GREB1: variants seen among roughly 807,000 people sequenced by gnomAD.
GREB1 encodes the protein growth regulating estrogen receptor binding 1.
Under a neutral mutation model 200.7 loss-of-function variants are expected in GREB1, and 106 were observed. The observed-to-expected ratio is 0.53, with a 90% confidence interval of 0.45 to 0.62. GREB1 has a LOEUF of 0.62. Among genes scored for constraint, GREB1 ranks in the 20% least tolerant of loss-of-function variants. GREB1 has a pLI of 0.00. For missense variants in GREB1, 2,243 were observed against 2,556.8 expected (o/e 0.88, Z 2.65); for synonymous variants, 1,132 against 1,092.4 (o/e 1.04, Z -0.72).
intron 2 of GREB1, among the ~76,000 whole-genome samples, chr2:11,561,475 T>C (rs1677032460): frequency 6.6e-6 from 1 of 151,812 alleles, no homozygotes; most frequent in Non-Finnish European, 1.5e-5. Flanking sequence ...GCAATTCTCC[T>C]GCCTCAGCCT....
chr2:11,578,543 T>C (rs1679126516), intron 6 of GREB1, 112 bp downstream of exon 6: 1 of 1,143,946 alleles, frequency 8.7e-7, no homozygotes, highest in Admixed American at 2.5e-5. Context: ...CAGGGGGCTG[T>C]TATCTTTTTC....
chr2:11,557,838 C>T (rs1268147150), intron 2 of GREB1, among the ~76,000 whole-genome samples: 1 of 152,148 alleles, frequency 6.6e-6, no homozygotes, highest in African/African-American at 2.4e-5. Flanking sequence ...CTGGCATTCA[C>T]ATCAAAAGCA....
At chr2:11,639,164 A>G (rs1010231963) in intron 32 of GREB1, among the ~76,000 whole-genome samples, 3 of 152,176 alleles carry the variant, frequency 2.0e-5, no homozygotes, top group Non-Finnish European at 4.4e-5. Flanking sequence ...ATCTTAGCTC[A>G]CTGCAACTTC....
intron 1 of GREB1, among the ~76,000 whole-genome samples, chr2:11,552,934 C>T (rs531267687): frequency 6.8e-4 from 99 of 144,710 alleles, no homozygotes; most frequent in Non-Finnish European, 1.2e-3. Flanking sequence ...GGCGTGAACC[C>T]GGGAGGCGGA....
At chr2:11,526,487 A>T (rs968459181) in intron 1 of GREB1, among the ~76,000 whole-genome samples, 1 of 151,944 alleles carries the variant, frequency 6.6e-6, no homozygotes, top group Non-Finnish European at 1.5e-5. Flanking sequence ...ACTAATTGTG[A>T]TCTTATTCTC....
At chr2:11,505,264 G>A (rs755150272) in intron 1 of GREB1, among the ~76,000 whole-genome samples, 6 of 152,092 alleles carry the variant, frequency 3.9e-5, no homozygotes, top group Non-Finnish European at 5.9e-5. Flanking sequence ...TGGGGACTGC[G>A]GCGAGGGGAG....
intron 5 of GREB1, among the ~76,000 whole-genome samples, chr2:11,577,776 C>T (rs1200406247): frequency 6.6e-6 from 1 of 152,280 alleles, no homozygotes; most frequent in East Asian, 1.9e-4. Context: ...TTGTTTTGTT[C>T]AGTAAATGCC....
chr2:11,541,277 G>A (rs1045592406), intron 1 of GREB1, among the ~76,000 whole-genome samples: 6 of 152,098 alleles, frequency 3.9e-5, no homozygotes, highest in Non-Finnish European at 7.4e-5. Context: ...GGAAAGGGAG[G>A]CCGGGCAGGA....
chr2:11,569,326 G>A (rs999282351), intron 4 of GREB1, among the ~76,000 whole-genome samples: 5 of 152,164 alleles, frequency 3.3e-5, no homozygotes, highest in Admixed American at 2.6e-4. Flanking sequence ...TTACGTCTAG[G>A]GGCTGGGTGG....
Position 11,600,847 on chromosome 2 carries a change from T to C in GREB1, c.2381T>C (p.Leu794Ser), listed in dbSNP as rs777116988. ...LYSQSDPSVGLVDRLLNCREV... is the reference protein window; with the variant it reads ...LYSQSDPSVGSVDRLLNCREV... ...TCTCAAAGTGACCCGTCGGTGGGAT[T>C]GGTGGACCGATTGCTCAACTGCAGG... The change falls in exon 16 of 33, where the codon TTG (leucine) becomes TCG (serine). Residue 794 changes from leucine to serine, a missense_variant. Leu to Ser is a moderately radical substitution (Grantham distance 145). Around this residue, in one of 3 missense-constraint regions of GREB1, gnomAD observed 1,178 missense variants for 1,387.4 expected, o/e 0.85. Coordinates refer to ENST00000381486, the MANE Select transcript of GREB1 (RefSeq NM_014668.4). The C allele has an allele frequency of 9.3e-6, 15 of 1,614,086 alleles. No homozygotes were observed. The Admixed American group carries it at 2.0e-4, about 22-fold the overall frequency.
At chr2:11,571,877 A>AT (rs1678338372) in intron 4 of GREB1, among the ~76,000 whole-genome samples, 1 of 151,828 alleles carries the variant, frequency 6.6e-6, no homozygotes, top group South Asian at 2.1e-4. Context: ...CACCCAGCTA[A>AT]TTTTTTTGTA....
chr2:11,626,128 G>A (rs901648993), intron 24 of GREB1, among the ~76,000 whole-genome samples: 2 of 152,122 alleles, frequency 1.3e-5, no homozygotes, highest in African/African-American at 4.8e-5. Flanking sequence ...GTAGATTTGG[G>A]TGGGGACACA....
intron 3 of GREB1, among the ~76,000 whole-genome samples, chr2:11,563,759 T>C (rs771934248): frequency 6.6e-6 from 1 of 152,218 alleles, no homozygotes; most frequent in Non-Finnish European, 1.5e-5. Flanking sequence ...GCTCAGTCCT[T>C]AGTTATTTAA....
intron 1 of GREB1, among the ~76,000 whole-genome samples, chr2:11,517,803 C>T (rs867532883): frequency 1.3e-5 from 2 of 152,128 alleles, no homozygotes; most frequent in East Asian, 1.9e-4. Flanking sequence ...AGGTGCCCGC[C>T]GCCATGCCCG....
Position 11,612,623 on chromosome 2 carries a change from G to T in GREB1, c.3122+13G>T, listed in dbSNP as rs1359982454. 1.9e-6 allele frequency: 3 copies of T among 1,556,618 alleles called. No homozygotes were observed. The African/African-American group carries it at 4.1e-5, about 21-fold the overall frequency. ...AGTCCTTGCCGAGGTGAGTGGAGGG[G>T]TTATGCCCCTGGGGGTCTCTGAGGA... On this transcript the variant is annotated intron_variant, in intron 19 of 32. Transcript: ENST00000381486.
rs7560991 is a variant in GREB1 at position 11,491,123 on chromosome 2, G to A, written c.-159+8742G>A. ...CACTGGGGCTCTGATTTGCTGTGGT[G>A]TGGATTTTCTGTGGTTTAGATCCAT... On this transcript the variant is annotated intron_variant, in intron 1 of 2. Transcript: ENST00000628795. Among the ~76,000 whole-genome samples the A allele has an allele frequency of 6.0e-3, 920 of 152,306 alleles. 8 individuals carry two copies. The highest frequency in any genetic ancestry group is 0.021 in the African/African-American group (885 of 41,566).
intron 1 of GREB1, among the ~76,000 whole-genome samples, chr2:11,485,837 C>A (rs1228477824): frequency 2.0e-5 from 3 of 152,014 alleles, no homozygotes; most frequent in Non-Finnish European, 4.4e-5. Flanking sequence ...TTAGAGATTC[C>A]AGAGTGTTCT....
In GREB1 at chr2:11,554,371, C is replaced by A. The variant is rs541747305; in HGVS notation, c.-161-2083C>A. The stretch of plus-strand genomic sequence containing the variant: ...AAGAGGAAAGGCTGAATCTTTCTTA[C>A]AATAGGGGCGGGAAATCAACGTGAC... On this transcript the variant is annotated intron_variant, in intron 1 of 32. Transcript: ENST00000381486. Among the ~76,000 whole-genome samples the A allele has an allele frequency of 5.9e-5, 9 of 152,302 alleles. 1 individual carries two copies. In the South Asian group the frequency reaches 1.9e-3, roughly 32 times the overall value.
Position 11,633,114 on chromosome 2 carries a change from A to G in GREB1, c.4991+51A>G. 4 of 1,571,182 alleles carry G rather than the reference A, an allele frequency of 2.5e-6. No individual in the cohort carries two copies. Among genetic ancestry groups the G allele is most frequent in the Admixed American group, 1.7e-5 (1 of 59,890 alleles). On this transcript the variant is annotated intron_variant, in intron 28 of 32. Coordinates refer to ENST00000381486, the MANE Select transcript of GREB1 (RefSeq NM_014668.4). The surrounding 1 kb of genome is among the most constrained non-coding windows in gnomAD (Gnocchi z 4.1). ...CCTGCCACCCTACGAATGATGACCA[A>G]CGAGTGTGCCCTCTTTGTATGGGGA...
Sources: gnomAD v4.1 joint callset for allele counts (sites outside exome capture counted in the v4.1 genomes callset) on GRCh38, gnomAD v4.1.1 for gene constraint, gnomAD v4.1.1 regional missense constraint, Gnocchi (gnomAD v3.1) non-coding constraint, MANE v1.5 for transcripts, NCBI Gene and HGNC (gene_info 2026-07-23, HGNC 2026-07-21) for gene names.